The following C12orf42 variants were observed in gnomAD, a reference collection of about 807,000 sequenced individuals.
C12orf42 encodes the protein chromosome 12 open reading frame 42.
A neutral mutation model predicts 21.6 loss-of-function variants in C12orf42; 25 were observed. The ratio of observed to expected loss-of-function variants is 1.16; its 90% CI spans 0.84 to 1.62. The LOEUF (loss-of-function observed/expected upper bound fraction) is 1.62, where lower values mean the gene tolerates loss of function less well. C12orf42 is among the 40% of genes most tolerant of loss of function. C12orf42 has a pLI of 0.00. For missense variants in C12orf42, 483 were observed against 459.3 expected (o/e 1.05, Z -0.47); for synonymous variants, 174 against 175.0 (o/e 0.99, Z 0.05).
intron 3 of C12orf42, among the ~76,000 whole-genome samples, chr12:103,371,356 A>G (rs2045215642): frequency 6.6e-6 from 1 of 152,088 alleles, no homozygotes; most frequent in African/African-American, 2.4e-5. Context: ...AAGAAGACAC[A>G]CACCTCTTAA....
chr12:103,163,493 G>C, the C12orf42 span, among the ~76,000 whole-genome samples: 1 of 152,270 alleles, frequency 6.6e-6, no homozygotes, highest in Non-Finnish European at 1.5e-5. Flanking sequence ...GGGCTGGATG[G>C]CAGTGAGCTC....
chr12:103,165,768 G>A, the C12orf42 span, among the ~76,000 whole-genome samples: 32 of 152,010 alleles, frequency 2.1e-4, no homozygotes, highest in Admixed American at 5.9e-4. Context: ...CAGGCCGGGC[G>A]CGGTGGCTCA....
At chr12:103,084,144 C>T in the C12orf42 span, among the ~76,000 whole-genome samples, 2 of 152,082 alleles carry the variant, frequency 1.3e-5, no homozygotes, top group Non-Finnish European at 2.9e-5. Context: ...AGGGACATGG[C>T]CTTGTTGACT....
the C12orf42 span, among the ~76,000 whole-genome samples, chr12:103,525,118 C>T: frequency 7.9e-5 from 12 of 152,090 alleles, no homozygotes; most frequent in Admixed American, 2.6e-4. Context: ...CCTGGGCTCA[C>T]GTGATCCCCC....
At chr12:103,234,193 T>C (rs1214213431), downstream of C12orf42, among the ~76,000 whole-genome samples, 1 of 152,192 alleles carries the variant, frequency 6.6e-6, no homozygotes, top group African/African-American at 2.4e-5. Context: ...TATACATTGT[T>C]GGTATACTAA....
intron 4 of C12orf42, among the ~76,000 whole-genome samples, chr12:103,358,757 C>T (rs905983459): frequency 6.6e-6 from 1 of 152,060 alleles, no homozygotes; most frequent in Non-Finnish European, 1.5e-5. Context: ...TCTGTCATTA[C>T]CATCATCAGG....
chr12:103,208,101 A>C, the C12orf42 span, among the ~76,000 whole-genome samples: 1 of 152,252 alleles, frequency 6.6e-6, no homozygotes, highest in African/African-American at 2.4e-5. Context: ...GATTTATTGC[A>C]GATGTAGCAA....
the C12orf42 span, among the ~76,000 whole-genome samples, chr12:103,103,165 C>A: frequency 6.6e-6 from 1 of 152,162 alleles, no homozygotes; most frequent in Non-Finnish European, 1.5e-5. Context: ...GCCATCATAT[C>A]CATAGGTTCC....
the C12orf42 span, among the ~76,000 whole-genome samples, chr12:103,195,047 T>C: frequency 6.6e-6 from 1 of 152,168 alleles, no homozygotes; most frequent in East Asian, 1.9e-4. Context: ...GAATATTCAG[T>C]ATTTGGTTTT....
At chr12:103,369,040 C>A (rs2044913697) in intron 3 of C12orf42, 42 bp from the exon 4 acceptor site, 2 of 1,066,746 alleles carry the variant, frequency 1.9e-6, no homozygotes, top group South Asian at 2.9e-5. Flanking sequence ...AAAATTAGGT[C>A]AATGGCTCCA....
chr12:103,347,242 C>A (rs1297853022), intron 4 of C12orf42, among the ~76,000 whole-genome samples: 1 of 129,604 alleles, frequency 7.7e-6, no homozygotes, highest in African/African-American at 2.9e-5. Context: ...GTGTGATGTT[C>A]CCCTCCCTGT....
chr12:103,127,346 G>T, the C12orf42 span, among the ~76,000 whole-genome samples: 1 of 152,122 alleles, frequency 6.6e-6, no homozygotes, highest in Non-Finnish European at 1.5e-5. Context: ...GGCATAAAAT[G>T]CAACATTCAT....
intron 4 of C12orf42, among the ~76,000 whole-genome samples, chr12:103,364,879 T>C (rs2044457855): frequency 1.3e-5 from 2 of 152,002 alleles, no homozygotes; most frequent in South Asian, 2.1e-4. Flanking sequence ...ACCAGGCAGA[T>C]TCACAGTTGA....
chr12:103,524,887 C>T, the C12orf42 span, among the ~76,000 whole-genome samples: 17 of 146,858 alleles, frequency 1.2e-4, 1 homozygote, highest in Admixed American at 1.2e-3. Context: ...GAGTTATCTT[C>T]TCCTGACTCC....
At chr12:103,130,205 T>C in the C12orf42 span, among the ~76,000 whole-genome samples, 1 of 151,768 alleles carries the variant, frequency 6.6e-6, no homozygotes, top group East Asian at 1.9e-4. Context: ...CAATAACTAC[T>C]ACTACTGTCT....
intron 5 of C12orf42, among the ~76,000 whole-genome samples, chr12:103,305,755 C>A (rs561875908): frequency 2.3e-4 from 35 of 152,238 alleles, no homozygotes; most frequent in Middle Eastern, 3.4e-3. Flanking sequence ...ATAACTGAAT[C>A]ATCAAATTAC....
the C12orf42 span, among the ~76,000 whole-genome samples, chr12:103,197,762 G>A: frequency 6.6e-6 from 1 of 152,146 alleles, no homozygotes; most frequent in African/African-American, 2.4e-5. Flanking sequence ...TGATGGCTGT[G>A]AGGGTTTGGT....
the C12orf42 span, chr12:103,549,380 A>G: frequency 1.3e-5 from 2 of 152,204 alleles, no homozygotes; most frequent in Non-Finnish European, 2.9e-5. Flanking sequence ...ACTACAGTAC[A>G]TGATCAAAAC....
intron 10 of C12orf42, among the ~76,000 whole-genome samples, chr12:103,240,758 G>T (rs1034244835): frequency 6.6e-6 from 1 of 152,126 alleles, no homozygotes; most frequent in Non-Finnish European, 1.5e-5. Flanking sequence ...CATCTTTAAT[G>T]CAAGGAGCAC....
Sources: allele counts gnomAD v4.1 joint callset (sites outside exome capture counted in the v4.1 genomes callset), GRCh38; gene constraint gnomAD v4.1.1; transcripts MANE v1.5; gene names NCBI Gene and HGNC (gene_info 2026-07-23, HGNC 2026-07-21).